The following MYOCD variants were observed in gnomAD, a reference collection of about 807,000 sequenced individuals.
MYOCD encodes myocardin.
MYOCD carries 32 observed loss-of-function variants against 96.1 expected under a neutral mutation model. The ratio of observed to expected loss-of-function variants is 0.33; its 90% CI spans 0.25 to 0.45. The LOEUF (loss-of-function observed/expected upper bound fraction) is 0.45, where lower values mean the gene tolerates loss of function less well. MYOCD is among the 20% of genes least tolerant of loss of function. The pLI is 1.00. For missense variants in MYOCD, 1,133 were observed against 1,200.6 expected, an observed-to-expected ratio of 0.94 and a Z score of 0.83; for synonymous variants, 469 against 469.0, an observed-to-expected ratio of 1.00 and a Z score of 0.00.
chr17:12,709,718 C>T (rs12601657), intron 2 of MYOCD, among the ~76,000 whole-genome samples: 19,338 of 152,176 alleles, frequency 0.13, 1,453 homozygotes, highest in South Asian at 0.19. Flanking sequence ...TTCACTATCC[C>T]ACCCTTTTGG....
intron 1 of MYOCD, among the ~76,000 whole-genome samples, chr17:12,680,319 A>G (rs1333831051): frequency 1.3e-5 from 2 of 152,178 alleles, no homozygotes; most frequent in Non-Finnish European, 2.9e-5. Flanking sequence ...TTTGACCACT[A>G]TAATTACCCT....
At chr17:12,672,675 T>C (rs976581305) in intron 1 of MYOCD, among the ~76,000 whole-genome samples, 1 of 152,206 alleles carries the variant, frequency 6.6e-6, no homozygotes, top group Admixed American at 6.5e-5. Flanking sequence ...TTTTCACTAT[T>C]GGGGTACTTC....
chr17:12,721,021 T>TAAAAA (rs760458241), intron 4 of MYOCD, among the ~76,000 whole-genome samples: 1 of 107,574 alleles, frequency 9.3e-6, no homozygotes. Context: ...GACTCTGTCT[T>TAAAAA]AAAAAAAAAA....
chr17:12,704,485 GTT>G (rs2093887621), intron 1 of MYOCD, among the ~76,000 whole-genome samples: 1 of 152,112 alleles, frequency 6.6e-6, no homozygotes, highest in Non-Finnish European at 1.5e-5. Context: ...ATTTTACAGT[GTT>G]TTAATTTTTC....
intron 1 of MYOCD, among the ~76,000 whole-genome samples, chr17:12,688,307 A>T (rs1041021613): frequency 6.6e-6 from 1 of 152,236 alleles, no homozygotes; most frequent in Non-Finnish European, 1.5e-5. Flanking sequence ...CAGATCGCTT[A>T]TAGGAATGAT....
In MYOCD at chr17:12,764,252, G is replaced by A. The variant is rs1193143609; in HGVS notation, c.*608G>A. On this transcript the variant is annotated 3_prime_UTR_variant, in exon 14 of 14. Coordinates refer to ENST00000425538, the MANE Select transcript of MYOCD (RefSeq NM_001146312.3). ...TCTACCACAAAACTGCCCTGCTGGA[G>A]TGGTTCTGAACCTGTACCCAGGACT... 6.6e-6 allele frequency: 1 copy of A among 152,342 alleles called. No individual in the cohort carries two copies. Among genetic ancestry groups the A allele is most frequent in the Non-Finnish European group, 1.5e-5 (1 of 68,202 alleles). The allele number at this position is 152,342 out of a possible 1,614,324, so 9.4% of individuals were successfully genotyped here.
chr17:12,730,157 G>GA (rs1207355691), intron 5 of MYOCD, among the ~76,000 whole-genome samples: 2 of 151,140 alleles, frequency 1.3e-5, no homozygotes, highest in East Asian at 2.0e-4. Flanking sequence ...TCAAAAAAAG[G>GA]AAAAAAAAGG....
intron 10 of MYOCD, 108 bp downstream of exon 10, chr17:12,753,454 C>A: frequency 9.9e-7 from 1 of 1,006,806 alleles, no homozygotes; most frequent in South Asian, 1.7e-5. Flanking sequence ...GAAGGGTTTA[C>A]CAAAAGCATA....
chr17:12,719,363 C>T (rs551703967), intron 4 of MYOCD, among the ~76,000 whole-genome samples: 1 of 151,590 alleles, frequency 6.6e-6, no homozygotes, highest in East Asian at 1.9e-4. Flanking sequence ...TAAAAATGTG[C>T]CCACCCTTTA....
Position 12,665,978 on chromosome 17 carries a change from G to C in MYOCD, c.-211G>C, listed in dbSNP as rs1015257265. On this transcript the variant is annotated 5_prime_UTR_variant, in exon 1 of 14. Transcript: ENST00000425538. This position sits in a 1 kb window ranked among gnomAD's most constrained non-coding sequence, Gnocchi z 4.2. Reference sequence around the variant, plus strand: ...CTCCGAGGAGGAGGAGGGTCCCGCCGGCTAAGAGTTAATTAGCCCCGCACG... The same window carrying C: ...CTCCGAGGAGGAGGAGGGTCCCGCCCGCTAAGAGTTAATTAGCCCCGCACG... The C allele has an allele frequency of 5.6e-6, 3 of 539,032 alleles. No individual in the cohort carries two copies. Among genetic ancestry groups the C allele is most frequent in the African/African-American group, 1.9e-5 (1 of 51,928 alleles). The allele number at this position is 539,032 out of a possible 1,614,324, so 33.4% of individuals were successfully genotyped here. A position where few individuals can be genotyped will look rare whatever the true frequency, so the allele number is the denominator to read the frequency against.
intron 4 of MYOCD, 73 bp downstream of exon 4, chr17:12,717,494 C>G: frequency 8.1e-7 from 1 of 1,230,338 alleles, no homozygotes; most frequent in South Asian, 1.3e-5. Context: ...TTACTTGTCT[C>G]TGTACAGTTG....
chr17:12,756,320 CA>C, intron 10 of MYOCD, 93 bp from the exon 11 acceptor site: 3 of 1,391,018 alleles, frequency 2.2e-6, no homozygotes, highest in South Asian at 1.2e-5. Flanking sequence ...AAAATGACAC[CA>C]GGGGACACAG....
At chr17:12,738,173 G>A (rs1445096059) in intron 6 of MYOCD, among the ~76,000 whole-genome samples, 1 of 152,150 alleles carries the variant, frequency 6.6e-6, no homozygotes, top group Non-Finnish European at 1.5e-5. Context: ...AAAAATCATT[G>A]TTTGTCATTT....
chr17:12,732,744 T>C (rs1448958456), intron 5 of MYOCD, among the ~76,000 whole-genome samples: 2 of 152,176 alleles, frequency 1.3e-5, no homozygotes, highest in African/African-American at 2.4e-5. Flanking sequence ...ACTTCTAGAC[T>C]TTTCGACATC....
intron 3 of MYOCD, 69 bp downstream of exon 3, chr17:12,715,643 G>A: frequency 3.3e-6 from 4 of 1,220,342 alleles, no homozygotes; most frequent in Non-Finnish European, 4.8e-6. Flanking sequence ...CTAATCCTTG[G>A]TGGATGCGTG....
chr17:12,670,252 A>T (rs1909622336), intron 1 of MYOCD, among the ~76,000 whole-genome samples: 1 of 152,074 alleles, frequency 6.6e-6, no homozygotes, highest in Admixed American at 6.5e-5. Flanking sequence ...GTGTTCTTCT[A>T]CTCCAATAGA....
chr17:12,673,400 G>A (rs1270818853), intron 1 of MYOCD, among the ~76,000 whole-genome samples: 3 of 152,090 alleles, frequency 2.0e-5, no homozygotes, highest in Non-Finnish European at 4.4e-5. Context: ...GATAATCAGA[G>A]TATATACATA....
At chr17:12,738,765 C>A (rs992737360) in intron 6 of MYOCD, among the ~76,000 whole-genome samples, 1 of 151,920 alleles carries the variant, frequency 6.6e-6, no homozygotes, top group Non-Finnish European at 1.5e-5. Context: ...CTCTTCCCTG[C>A]TGCTCTTTTT....
In MYOCD at chr17:12,760,942, A is replaced by T. The variant is rs114308148; in HGVS notation, c.2389+235A>T. The T allele has an allele frequency of 2.0e-3, 895 of 458,490 alleles. 7 individuals are homozygous for T. The highest frequency in any genetic ancestry group is 0.014 in the African/African-American group (730 of 52,036). 28.4% of individuals were successfully genotyped at this position (458,490 alleles called of 1,614,324 possible). On this transcript the variant is annotated intron_variant, in intron 13 of 13. Transcript: ENST00000425538. ...AGCATTTTTCAGCAATCATTTTAAT[A>T]GTTTTCATGTTTCAGCCTAATCCTT...
Sources: allele counts gnomAD v4.1 joint callset (sites outside exome capture counted in the v4.1 genomes callset), GRCh38; gene constraint gnomAD v4.1.1; non-coding constraint Gnocchi (gnomAD v3.1); transcripts MANE v1.5; gene names NCBI Gene and HGNC (gene_info 2026-07-23, HGNC 2026-07-21).